Variants in OSBPL10 observed in about 807,000 individuals in gnomAD.
OSBPL10 encodes oxysterol binding protein like 10.
OSBPL10 carries 49 observed loss-of-function variants against 81.7 expected under a neutral mutation model. The observed-to-expected ratio is 0.60, with a 90% CI of 0.48 to 0.76. The LOEUF (loss-of-function observed/expected upper bound fraction) is 0.76, where lower values mean the gene tolerates loss of function less well. Among genes scored for constraint, OSBPL10 ranks in the 30% least tolerant of loss-of-function variants. OSBPL10 has a pLI of 0.00. For synonymous variants in OSBPL10, 419 were observed against 383.6 expected (o/e 1.09, Z -1.08); for missense variants, 923 against 987.8 (o/e 0.93, Z 0.88).
chr3:31,721,507 G>A (rs1159173304), intron 6 of OSBPL10: 2 of 152,182 alleles, frequency 1.3e-5, no homozygotes, highest in African/African-American at 2.4e-5. Context: ...CTTCCTCAGA[G>A]AAAACCCAGG....
intron 1 of OSBPL10, among the ~76,000 whole-genome samples, chr3:31,901,408 A>G (rs1473673917): frequency 2.6e-5 from 4 of 152,194 alleles, no homozygotes; most frequent in Non-Finnish European, 5.9e-5. Flanking sequence ...CATCTTCCCA[A>G]TGCCCCCACT....
intron 1 of OSBPL10, among the ~76,000 whole-genome samples, chr3:32,052,524 A>G (rs1237425871): frequency 6.6e-6 from 1 of 152,114 alleles, no homozygotes; most frequent in Non-Finnish European, 1.5e-5. Flanking sequence ...TTGCAGCACT[A>G]TTTACAATAG....
chr3:31,925,703 C>A (rs1010552260), intron 1 of OSBPL10, among the ~76,000 whole-genome samples: 3 of 152,034 alleles, frequency 2.0e-5, no homozygotes, highest in Middle Eastern at 3.2e-3. Context: ...ATCCCAGCTA[C>A]TTGGGAGGCT....
intron 4 of OSBPL10, among the ~76,000 whole-genome samples, chr3:31,809,165 C>T (rs77214452): frequency 0.016 from 2,437 of 152,206 alleles, 73 homozygotes; most frequent in African/African-American, 0.053. Flanking sequence ...GATCAATATT[C>T]GCAACGGATG....
intron 1 of OSBPL10, among the ~76,000 whole-genome samples, chr3:31,913,030 G>C (rs1054410383): frequency 6.6e-6 from 1 of 151,972 alleles, no homozygotes. Flanking sequence ...CCACACACCC[G>C]CATATATAAC....
At chr3:32,011,553 T>G (rs1385236716) in intron 2 of OSBPL10, among the ~76,000 whole-genome samples, 1 of 152,188 alleles carries the variant, frequency 6.6e-6, no homozygotes, top group Non-Finnish European at 1.5e-5. Context: ...TCCAAAGGAA[T>G]GCAGCTCCTC....
intron 6 of OSBPL10, among the ~76,000 whole-genome samples, chr3:31,727,803 T>G (rs1696854273): frequency 1.3e-5 from 2 of 152,184 alleles, no homozygotes; most frequent in Non-Finnish European, 2.9e-5. Flanking sequence ...AACCAACATC[T>G]ACCTATACCT....
chr3:32,001,873 C>G (rs1032087613), intron 2 of OSBPL10, among the ~76,000 whole-genome samples: 12 of 152,146 alleles, frequency 7.9e-5, no homozygotes, highest in Admixed American at 1.3e-4. Context: ...TTATCCAATC[C>G]CAACTCTTGG....
intron 1 of OSBPL10, among the ~76,000 whole-genome samples, chr3:31,934,236 G>A (rs1305517686): frequency 6.6e-6 from 1 of 151,978 alleles, no homozygotes; most frequent in Non-Finnish European, 1.5e-5. Context: ...TCAGGAGGCT[G>A]AGCGGGGGAG....
intron 4 of OSBPL10, among the ~76,000 whole-genome samples, chr3:31,799,758 T>A (rs539166979): frequency 6.6e-6 from 1 of 152,236 alleles, no homozygotes; most frequent in African/African-American, 2.4e-5. Flanking sequence ...CAGTGCTTTT[T>A]AAGTAATTAT....
intron 5 of OSBPL10, among the ~76,000 whole-genome samples, chr3:31,745,533 T>C (rs1697493362): frequency 6.6e-6 from 1 of 152,178 alleles, no homozygotes; most frequent in Non-Finnish European, 1.5e-5. Context: ...ATTATAATGC[T>C]CGCAAGACAC....
At chr3:32,067,465 C>A (rs1699788461) in intron 1 of OSBPL10, among the ~76,000 whole-genome samples, 1 of 152,174 alleles carries the variant, frequency 6.6e-6, no homozygotes, top group Non-Finnish European at 1.5e-5. Context: ...ACAAAAACAA[C>A]CTGTCAGGCC....
chr3:31,934,733 T>C (rs1032326331), intron 1 of OSBPL10, among the ~76,000 whole-genome samples: 3 of 152,052 alleles, frequency 2.0e-5, no homozygotes, highest in African/African-American at 4.8e-5. Context: ...TTCATAAACG[T>C]AGCATTTCCC....
chr3:31,933,395 G>A (rs550622379), intron 1 of OSBPL10, among the ~76,000 whole-genome samples: 10 of 148,042 alleles, frequency 6.8e-5, no homozygotes, highest in African/African-American at 2.2e-4. Context: ...CCTTTAAGGG[G>A]GAAACAATAA....
At chr3:31,970,270 G>C (rs1169430865) in intron 1 of OSBPL10, among the ~76,000 whole-genome samples, 1 of 152,156 alleles carries the variant, frequency 6.6e-6, no homozygotes, top group Non-Finnish European at 1.5e-5. Flanking sequence ...GTTGCAGCTA[G>C]GATTTATGAG....
At chr3:31,990,208 A>ATTAC (rs1480145846) in intron 2 of OSBPL10, 1 of 1,613,984 alleles carries the variant, frequency 6.2e-7, no homozygotes. Context: ...TGAGTGTGGC[A>ATTAC]AAGCCTTTAG....
Position 31,935,563 on chromosome 3 carries a change from G to A in OSBPL10, c.281+45336C>T, listed in dbSNP as rs536447833. Among the ~76,000 whole-genome samples the A allele has an allele frequency of 6.2e-5, 9 of 145,958 alleles. No homozygotes were observed. In the East Asian group the frequency reaches 8.0e-4, roughly 13 times the overall value. ...CTTGAGACAGAGTCTCACTCTTTTC[G>A]CCCAGGCTGGAGTGCAGTGGTATGA... On this transcript the variant is annotated intron_variant, in intron 1 of 11. Transcript: ENST00000396556.
intron 4 of OSBPL10, among the ~76,000 whole-genome samples, chr3:31,768,259 C>T (rs186965410): frequency 5.6e-4 from 85 of 152,198 alleles, no homozygotes; most frequent in African/African-American, 2.0e-3. Flanking sequence ...TTCATGGCCC[C>T]CTTGGTTTTG....
At chr3:31,853,849 A>T (rs60123648) in intron 3 of OSBPL10, among the ~76,000 whole-genome samples, 2,416 of 152,322 alleles carry the variant, frequency 0.016, 52 homozygotes, top group African/African-American at 0.055. Context: ...GTGCTGGAGC[A>T]GCAAGGCCTG....
Sources: allele counts gnomAD v4.1 joint callset (sites outside exome capture counted in the v4.1 genomes callset), GRCh38; gene constraint gnomAD v4.1.1; transcripts MANE v1.5; gene names NCBI Gene and HGNC (gene_info 2026-07-23, HGNC 2026-07-21).